The following CADPS2 variants were observed in gnomAD, a reference collection of about 807,000 sequenced individuals.
The protein encoded by CADPS2 is calcium dependent secretion activator 2.
Under a neutral mutation model 172.5 loss-of-function variants are expected in CADPS2, and 93 were observed. That is an observed-to-expected ratio of 0.54 (90% CI 0.46 to 0.64). CADPS2 has a LOEUF of 0.64. CADPS2 is among the 30% of genes least tolerant of loss of function. CADPS2 has a pLI of 0.00. For missense variants in CADPS2, 1,420 were observed against 1,565.9 expected, an observed-to-expected ratio of 0.91 and a Z score of 1.57; for synonymous variants, 546 against 555.2, an observed-to-expected ratio of 0.98 and a Z score of 0.23.
intron 13 of CADPS2, among the ~76,000 whole-genome samples, chr7:122,473,781 T>C (rs1285904417): frequency 2.0e-5 from 3 of 152,222 alleles, no homozygotes; most frequent in Non-Finnish European, 4.4e-5. Flanking sequence ...ATCCCAAATG[T>C]TGGCTACAAT....
rs1308022210 is a variant in CADPS2 at position 122,399,699 on chromosome 7, T to C, written c.2747-6117A>G. 3.9e-4 allele frequency among the ~76,000 whole-genome samples: 42 copies of C among 108,598 alleles called. 2 individuals carry two copies. Among genetic ancestry groups the C allele is most frequent in the African/African-American group, 1.6e-3 (42 of 26,352 alleles). The allele number at this position is 108,598 out of a possible 152,430, so 71.2% of individuals were successfully genotyped here. A position where few individuals can be genotyped will look rare whatever the true frequency, so the allele number is the denominator to read the frequency against. On this transcript the variant is annotated intron_variant, in intron 20 of 29. Transcript: ENST00000449022. ...TTTTTTTTTTTTTTTTTTTTTTTTT[T>C]TTTTTGAGACGGAGTCTCGCTCTGT...
chr7:122,654,396 C>T (rs1012800213), intron 3 of CADPS2, among the ~76,000 whole-genome samples: 2 of 152,192 alleles, frequency 1.3e-5, no homozygotes, highest in African/African-American at 4.8e-5. Flanking sequence ...TTCAAAGCTG[C>T]AAAGGACAGG....
chr7:122,369,289 C>T (rs1208348537), intron 25 of CADPS2, among the ~76,000 whole-genome samples: 2 of 151,924 alleles, frequency 1.3e-5, no homozygotes, highest in African/African-American at 2.4e-5. Context: ...CGCCACCATG[C>T]CCGGCTAATT....
intron 1 of CADPS2, among the ~76,000 whole-genome samples, chr7:122,752,347 A>G (rs1027521763): frequency 6.6e-6 from 1 of 152,200 alleles, no homozygotes; most frequent in Non-Finnish European, 1.5e-5. Flanking sequence ...AAACATTCTC[A>G]TACTTTCTGG....
intron 9 of CADPS2, among the ~76,000 whole-genome samples, chr7:122,493,726 T>A (rs1054395354): frequency 7.0e-6 from 1 of 143,556 alleles, no homozygotes; most frequent in East Asian, 1.9e-4. Flanking sequence ...TAATCTTTTT[T>A]TTTTTTTTTT....
intron 9 of CADPS2, among the ~76,000 whole-genome samples, chr7:122,495,594 C>G (rs1160098961): frequency 6.6e-6 from 1 of 152,132 alleles, no homozygotes; most frequent in East Asian, 1.9e-4. Context: ...TCCTTACAAA[C>G]AATGCCATGA....
intron 6 of CADPS2, among the ~76,000 whole-genome samples, chr7:122,592,953 G>C (rs911947114): frequency 6.6e-6 from 1 of 151,482 alleles, no homozygotes; most frequent in Non-Finnish European, 1.5e-5. Flanking sequence ...AAACCTGCAC[G>C]TTGTACACGT....
chr7:122,790,778 T>G (rs921939461), intron 1 of CADPS2, among the ~76,000 whole-genome samples: 5 of 152,188 alleles, frequency 3.3e-5, no homozygotes, highest in Non-Finnish European at 7.3e-5. Flanking sequence ...AATGCATGAC[T>G]AGTTCTGCCT....
chr7:122,566,586 C>T (rs998500396), intron 7 of CADPS2, among the ~76,000 whole-genome samples: 1 of 152,010 alleles, frequency 6.6e-6, no homozygotes, highest in South Asian at 2.1e-4. Context: ...CTGAGATACA[C>T]AGGACTTATT....
chr7:122,681,218 T>C, intron 2 of CADPS2: 1 of 667,060 alleles, frequency 1.5e-6, no homozygotes, highest in Non-Finnish European at 2.7e-6. Flanking sequence ...GCATGGCACA[T>C]GTATACATAT....
chr7:122,677,975 C>A (rs1287049346), intron 2 of CADPS2, among the ~76,000 whole-genome samples: 1 of 152,228 alleles, frequency 6.6e-6, no homozygotes, highest in East Asian at 1.9e-4. Flanking sequence ...GTATAAAACA[C>A]TGCTGTCCTG....
At chr7:122,380,083 C>T (rs140086805) in intron 24 of CADPS2, among the ~76,000 whole-genome samples, 185 of 152,110 alleles carry the variant, frequency 1.2e-3, no homozygotes, top group African/African-American at 4.3e-3. Context: ...ATTACCGCTT[C>T]CTCATGAAAA....
intron 1 of CADPS2, among the ~76,000 whole-genome samples, chr7:122,771,550 C>T (rs1205361868): frequency 2.6e-5 from 4 of 151,958 alleles, no homozygotes; most frequent in Non-Finnish European, 4.4e-5. Flanking sequence ...GAGAAAGTGG[C>T]AAGGAAATTA....
At chr7:122,440,552 C>T (rs1360957592) in intron 16 of CADPS2, among the ~76,000 whole-genome samples, 1 of 152,096 alleles carries the variant, frequency 6.6e-6, no homozygotes, top group African/African-American at 2.4e-5. Context: ...AATCTGTAAT[C>T]CTAAGATCTC....
chr7:122,471,065 A>C (rs2055862170), intron 14 of CADPS2, among the ~76,000 whole-genome samples: 1 of 152,204 alleles, frequency 6.6e-6, no homozygotes. Context: ...TAGGAATCAT[A>C]GGGATACTTA....
intron 2 of CADPS2, 44 bp downstream of exon 2, chr7:122,736,911 T>C (rs1208704218): frequency 2.0e-6 from 2 of 1,003,230 alleles, no homozygotes; most frequent in Non-Finnish European, 3.1e-6. Context: ...AAAACTCCTT[T>C]TAAAATGCAT....
intron 5 of CADPS2, among the ~76,000 whole-genome samples, chr7:122,620,623 T>A (rs142315113): frequency 6.6e-6 from 1 of 152,216 alleles, no homozygotes; most frequent in Non-Finnish European, 1.5e-5. Flanking sequence ...ATTTTAAATG[T>A]ATGACTTTTC....
chr7:122,699,061 A>C (rs1049801704), intron 2 of CADPS2: 18 of 621,462 alleles, frequency 2.9e-5, no homozygotes, highest in Non-Finnish European at 4.7e-5. Context: ...AGAAATTCTT[A>C]AAGATGGCTT....
In CADPS2 at chr7:122,605,440, T is replaced by C. The variant is rs536370528; in HGVS notation, c.1223+9741A>G. The stretch of plus-strand genomic sequence containing the variant: ...TCCATCATTGACTGAAACATCATTA[T>C]GCAGTGTATGACTATTTTATAGCAA... On this transcript the variant is annotated intron_variant, in intron 6 of 29. Transcript: ENST00000449022. Among the ~76,000 whole-genome samples, 40 of 152,298 alleles carry C rather than the reference T, an allele frequency of 2.6e-4. 1 individual carries two copies. Among genetic ancestry groups the C allele is most frequent in the Middle Eastern group, 3.4e-3 (1 of 294 alleles).
Sources: allele counts gnomAD v4.1 joint callset (sites outside exome capture counted in the v4.1 genomes callset), GRCh38; gene constraint gnomAD v4.1.1; transcripts MANE v1.5; gene names NCBI Gene and HGNC (gene_info 2026-07-23, HGNC 2026-07-21).